The following WDR4 variants were observed in gnomAD, a reference collection of about 807,000 sequenced individuals.
WDR4 encodes WDR4 tRNA N7-guanosine methyltransferase non-catalytic subunit, also known as tRNA (guanine-N(7)-)-methyltransferase non-catalytic subunit WDR4.
WDR4 carries 47 observed loss-of-function variants against 48.6 expected under a neutral mutation model. That is an observed-to-expected ratio of 0.97 (90% CI 0.77 to 1.23). The LOEUF (loss-of-function observed/expected upper bound fraction) is 1.23. Ranked by LOEUF, WDR4 falls within the 50% of genes most tolerant of loss-of-function variation. WDR4 has a pLI of 0.00. For missense variants in WDR4, 606 were observed against 551.6 expected, an observed-to-expected ratio of 1.10 and a Z score of -0.99; for synonymous variants, 268 against 230.0, an observed-to-expected ratio of 1.17 and a Z score of -1.49.
chr21:42,888,909 G>T, the WDR4 span, among the ~76,000 whole-genome samples: 1 of 151,406 alleles, frequency 6.6e-6, no homozygotes, highest in Non-Finnish European at 1.5e-5. Context: ...TCACCACGTT[G>T]GCCAGGCTGG....
intron 6 of WDR4, among the ~76,000 whole-genome samples, chr21:42,857,806 CAG>C (rs2058030150): frequency 7.1e-6 from 1 of 140,308 alleles, no homozygotes; most frequent in Non-Finnish European, 1.6e-5. Context: ...GAAAAAAAAA[CAG>C]AGAATTATGG....
At chr21:42,880,347 TC>T (rs1421064854), upstream of WDR4, among the ~76,000 whole-genome samples, 1 of 152,146 alleles carries the variant, frequency 6.6e-6, no homozygotes, top group East Asian at 1.9e-4. Flanking sequence ...AATCCCAGCA[TC>T]AGGCACAAAA....
At chr21:42,852,125 G>T in intron 10 of WDR4, 130 bp downstream of exon 10, 1 of 955,798 alleles carries the variant, frequency 1.0e-6, no homozygotes, top group Non-Finnish European at 1.6e-6. Context: ...TTCTGGATGG[G>T]GACACACGCT....
chr21:42,853,775 T>C (rs1184476988), intron 8 of WDR4, 23 bp from the exon 9 acceptor site: 13 of 1,543,238 alleles, frequency 8.4e-6, no homozygotes, highest in African/African-American at 5.5e-5. Context: ...AAAGAGAGCA[T>C]GATTACTAGG....
rs1201667936 is a variant in WDR4 at position 42,862,881 on chromosome 21, A to G, written c.454-487T>C. On this transcript the variant is annotated intron_variant, in intron 4 of 10. Coordinates refer to ENST00000398208, the MANE Select transcript of WDR4 (RefSeq NM_018669.6). The surrounding 1 kb of genome is among the most constrained non-coding windows in gnomAD (Gnocchi z 4.3). ...CCTGTGTGCGTCCAATCCCAGCTCC[A>G]CCACCCGGGCTGTGGGCCTGCGCCC... is the stretch of plus-strand genomic sequence containing the variant. Among the ~76,000 whole-genome samples the G allele has an allele frequency of 6.6e-6, 1 of 152,012 alleles. No individual in the cohort carries two copies. The highest frequency in any genetic ancestry group is 1.9e-4 in the East Asian group (1 of 5,176).
At position 42,859,708 on chromosome 21, in the gene WDR4, A is replaced by T; in HGVS notation, c.581T>A (p.Ile194Asn). The T allele has an allele frequency of 6.4e-7, 1 of 1,561,812 alleles. No homozygotes were observed. The highest frequency in any genetic ancestry group is 1.4e-5 in the African/African-American group (1 of 73,384). Reference sequence around the variant, plus strand: ...CCCGGGCTGAGTTGGCACCACGGAGATACGGCTCACAAACCTGTGAGGGCG... The same window carrying T: ...CCCGGGCTGAGTTGGCACCACGGAGTTACGGCTCACAAACCTGTGAGGGCG... ...CLGHTEFVSR[I>N]SVVPTQPGLL... is the part of the protein sequence containing the mutation. Residue 194 changes from isoleucine to asparagine, a missense_variant, in exon 6 of 11, where the codon ATC (isoleucine) becomes AAC (asparagine). By Grantham distance (149) the Ile-to-Asn change is moderately radical. Coordinates refer to ENST00000398208, the MANE Select transcript of WDR4 (RefSeq NM_018669.6).
intron 4 of WDR4, among the ~76,000 whole-genome samples, chr21:42,863,051 C>T (rs1312767996): frequency 1.3e-5 from 2 of 152,184 alleles, no homozygotes; most frequent in African/African-American, 2.4e-5. Flanking sequence ...CTCGTGGCTG[C>T]ACCTGCTCCT....
At chr21:42,878,834 G>C (rs1384332266) in intron 1 of WDR4, among the ~76,000 whole-genome samples, 2 of 152,212 alleles carry the variant, frequency 1.3e-5, no homozygotes, top group African/African-American at 2.4e-5. Context: ...GTGCACCCTT[G>C]GGTTGGGTAA....
At chr21:42,844,694 G>A (rs1320606665), downstream of WDR4, among the ~76,000 whole-genome samples, 1 of 152,258 alleles carries the variant, frequency 6.6e-6, no homozygotes, top group Non-Finnish European at 1.5e-5. Context: ...CGGGGCAGGA[G>A]TGCCAGCGAG....
At chr21:42,861,362 A>AGGGGAAGGGTGGGGTG (rs2058113334) in intron 5 of WDR4, among the ~76,000 whole-genome samples, 1 of 59,252 alleles carries the variant, frequency 1.7e-5, no homozygotes, top group African/African-American at 6.8e-5. Context: ...GAAGGAAGGG[A>AGGGGAAGGGTGGGGTG]GGGAGGGAGG....
the WDR4 span, chr21:42,886,758 CTA>C: frequency 1.3e-5 from 2 of 152,228 alleles, no homozygotes; most frequent in Non-Finnish European, 2.9e-5. Flanking sequence ...CTGTAAGTGT[CTA>C]TATGTGTAGT....
chr21:42,873,341 G>C (rs2058414067), intron 3 of WDR4, among the ~76,000 whole-genome samples: 1 of 152,196 alleles, frequency 6.6e-6, no homozygotes, highest in Admixed American at 6.5e-5. Flanking sequence ...GCGTGGGACA[G>C]AACAGCACCC....
At chr21:42,859,817 A>G in intron 5 of WDR4, 95 bp from the exon 6 acceptor site, 2 of 1,268,090 alleles carry the variant, frequency 1.6e-6, no homozygotes, top group Non-Finnish European at 2.2e-6. Context: ...AAGGAAGAGA[A>G]GCCTCTGCCC....
intron 1 of WDR4, chr21:42,879,012 T>C (rs2058566331): frequency 2.9e-6 from 3 of 1,023,360 alleles, no homozygotes; most frequent in South Asian, 4.4e-5. Context: ...CGAGACCCGC[T>C]TCTTCCCAGT....
At chr21:42,892,144 CTCGGG>C in the WDR4 span, among the ~76,000 whole-genome samples, 209 of 151,632 alleles carry the variant, frequency 1.4e-3, no homozygotes, top group African/African-American at 4.8e-3. Context: ...GTCCCAGCTA[CTCGGG>C]AGGCTGAGGC....
In WDR4 at chr21:42,863,650, C is replaced by T. The variant is rs571918910; in HGVS notation, c.297-54G>A. 1.2e-4 allele frequency: 194 copies of T among 1,558,698 alleles called. No homozygotes were observed. The African/African-American group carries it at 1.3e-3, about 10-fold the overall frequency. On this transcript the variant is annotated intron_variant, in intron 3 of 10. Coordinates refer to ENST00000398208, the MANE Select transcript of WDR4 (RefSeq NM_018669.6). ...GCTTCCAGGAGCAGCGCAGGGTCCT[C>T]GACAGCCTGGCAGGCCACGTGGGCG...
chr21:42,864,668 T>C (rs9808702), intron 3 of WDR4, among the ~76,000 whole-genome samples: 62,999 of 152,104 alleles, frequency 0.41, 13,847 homozygotes, highest in East Asian at 0.7. Context: ...TGCAGCACGT[T>C]TGCACACTGC....
chr21:42,843,411 T>C (rs1199727650), intron 11 of WDR4: 1 of 8,644 alleles, frequency 1.2e-4, no homozygotes, highest in Non-Finnish European at 2.5e-4. Flanking sequence ...GTGTGCTTTT[T>C]TTTTTTTTTT....
upstream of WDR4, among the ~76,000 whole-genome samples, chr21:42,881,030 T>C (rs1006941367): frequency 6.6e-6 from 1 of 151,642 alleles, no homozygotes; most frequent in Non-Finnish European, 1.5e-5. Flanking sequence ...CTCAGCCTCC[T>C]GAGTAGCTGG....
Sources: allele counts gnomAD v4.1 joint callset (sites outside exome capture counted in the v4.1 genomes callset), GRCh38; gene constraint gnomAD v4.1.1; non-coding constraint Gnocchi (gnomAD v3.1); transcripts MANE v1.5; gene names NCBI Gene and HGNC (gene_info 2026-07-23, HGNC 2026-07-21).